Variants in WDR64 observed in about 807,000 individuals in gnomAD.
WDR64 encodes WD repeat domain 64.
In WDR64, 112 loss-of-function variants were observed where a neutral mutation model predicts 139.3. That is an observed-to-expected ratio of 0.80 (90% CI 0.69 to 0.94). The LOEUF (loss-of-function observed/expected upper bound fraction) is 0.94. Among genes scored for constraint, WDR64 ranks in the 40% least tolerant of loss-of-function variants. The pLI, the probability that WDR64 is intolerant of heterozygous loss-of-function variation, is 0.00. For synonymous variants in WDR64, 444 were observed against 437.7 expected (o/e 1.01, Z -0.18); for missense variants, 1,206 against 1,293.1 (o/e 0.93, Z 1.03).
intron 25 of WDR64, among the ~76,000 whole-genome samples, chr1:241,794,879 CT>C (rs1659316270): frequency 6.6e-6 from 1 of 152,166 alleles, no homozygotes. Flanking sequence ...ATTAAAATGC[CT>C]TTCCCTTAGG....
At chr1:241,708,682 G>A (rs1160976216) in intron 8 of WDR64, among the ~76,000 whole-genome samples, 1 of 141,540 alleles carries the variant, frequency 7.1e-6, no homozygotes, top group African/African-American at 2.7e-5. Flanking sequence ...AGTTAGGGCT[G>A]AGGTCCATGG....
chr1:241,685,925 C>T (rs1214036970), intron 7 of WDR64, among the ~76,000 whole-genome samples: 2 of 152,124 alleles, frequency 1.3e-5, no homozygotes, highest in African/African-American at 4.8e-5. Flanking sequence ...ATATGTGTGC[C>T]ACCTGTCAGA....
intron 20 of WDR64, among the ~76,000 whole-genome samples, chr1:241,774,561 C>G (rs1658577961): frequency 6.6e-6 from 1 of 152,112 alleles, no homozygotes; most frequent in South Asian, 2.1e-4. Flanking sequence ...ATACTGAGCG[C>G]TGAAAAACAA....
At chr1:241,691,575 T>C (rs1667290373) in intron 8 of WDR64, among the ~76,000 whole-genome samples, 1 of 151,148 alleles carries the variant, frequency 6.6e-6, no homozygotes, top group Non-Finnish European at 1.5e-5. Flanking sequence ...AAAAAACATC[T>C]ACAAAAAACC....
intron 8 of WDR64, among the ~76,000 whole-genome samples, chr1:241,692,346 A>C (rs1363498686): frequency 6.6e-6 from 1 of 152,250 alleles, no homozygotes; most frequent in Non-Finnish European, 1.5e-5. Flanking sequence ...TATTCATCAC[A>C]ATAATGAAGA....
At chr1:241,714,311 ACT>A (rs1378443596) in intron 9 of WDR64, among the ~76,000 whole-genome samples, 2 of 152,110 alleles carry the variant, frequency 1.3e-5, no homozygotes, top group Non-Finnish European at 2.9e-5. Context: ...AAAGAAGAAA[ACT>A]CTGTCATCAA....
At chr1:241,777,149 C>T (rs551770689) in intron 21 of WDR64, among the ~76,000 whole-genome samples, 1 of 152,258 alleles carries the variant, frequency 6.6e-6, no homozygotes, top group South Asian at 2.1e-4. Flanking sequence ...GGCTGGAGTG[C>T]AGTGGTGTGC....
intron 2 of WDR64, among the ~76,000 whole-genome samples, chr1:241,666,122 C>T (rs981512609): frequency 3.3e-5 from 5 of 151,830 alleles, no homozygotes; most frequent in African/African-American, 1.2e-4. Context: ...TTTTAAATAG[C>T]ATAGTTAAAA....
chr1:241,795,126 A>G, intron 25 of WDR64, 81 bp from the exon 26 acceptor site: 2 of 1,209,886 alleles, frequency 1.7e-6, no homozygotes, highest in Non-Finnish European at 2.4e-6. Context: ...AATAAGTGAC[A>G]GAGTCAGGAT....
At position 241,656,072 on chromosome 1, in the gene WDR64, C is replaced by T. The variant is rs1409740179; in HGVS notation, c.145+3443C>T. ...ATCACAAAGCCACACTGAAAATTTC[C>T]TTTCTCTATAGTTTTCAAGATTTGA... On this transcript the variant is annotated intron_variant, in intron 1 of 27. Coordinates refer to ENST00000437684, the MANE Select transcript of WDR64 (RefSeq NM_001367482.1). The surrounding 1 kb of genome is among the most constrained non-coding windows in gnomAD (Gnocchi z 4.3). Among the ~76,000 whole-genome samples the T allele has an allele frequency of 1.3e-5, 2 of 152,242 alleles. No homozygotes were observed. Among genetic ancestry groups the T allele is most frequent in the East Asian group, 3.9e-4 (2 of 5,180 alleles).
rs1658937341 is a variant in WDR64, at chr1:241,783,795, C to T, written c.2705+414C>T. Among the ~76,000 whole-genome samples, 6 of 152,062 alleles carry T rather than the reference C, an allele frequency of 3.9e-5. No individual in the cohort carries two copies. In the South Asian group the frequency reaches 1.0e-3, roughly 26 times the overall value. On this transcript the variant is annotated intron_variant, in intron 23 of 27. Transcript: ENST00000437684. Reference sequence around the variant, plus strand: ...GGGTAAGCTAATTATGTCATTGACTCTGTGATGGATTTTGCAAAGCCTATT... The same window carrying T: ...GGGTAAGCTAATTATGTCATTGACTTTGTGATGGATTTTGCAAAGCCTATT...
chr1:241,784,655 C>T (rs1351628745), intron 23 of WDR64, among the ~76,000 whole-genome samples: 1 of 152,090 alleles, frequency 6.6e-6, no homozygotes, highest in Non-Finnish European at 1.5e-5. Context: ...GTTACTTCCT[C>T]TGTAAGAAAG....
chr1:241,746,027 C>G (rs1669743525), intron 13 of WDR64, among the ~76,000 whole-genome samples: 2 of 152,282 alleles, frequency 1.3e-5, no homozygotes, highest in Admixed American at 6.5e-5. Context: ...GACTGTTTTC[C>G]TATAATGCCA....
At chr1:241,657,677 T>C (rs957094828) in intron 1 of WDR64, among the ~76,000 whole-genome samples, 8 of 152,206 alleles carry the variant, frequency 5.3e-5, no homozygotes, top group African/African-American at 1.9e-4. Flanking sequence ...GGTCTACCCC[T>C]ACCTGCCACC....
At chr1:241,728,177 AC>A (rs1668922694) in intron 10 of WDR64, among the ~76,000 whole-genome samples, 1 of 150,796 alleles carries the variant, frequency 6.6e-6, no homozygotes, top group African/African-American at 2.4e-5. Flanking sequence ...TACTAAAACT[AC>A]AAAAATTAGC....
chr1:241,757,903 A>G (rs7533422), intron 15 of WDR64, among the ~76,000 whole-genome samples: 22,772 of 152,136 alleles, frequency 0.15, 1,894 homozygotes, highest in African/African-American at 0.19. Flanking sequence ...TCTAAAATAT[A>G]TTAAAAATAA....
At chr1:241,751,841 A>G (rs1669991976) in intron 14 of WDR64, among the ~76,000 whole-genome samples, 1 of 152,228 alleles carries the variant, frequency 6.6e-6, no homozygotes, top group Non-Finnish European at 1.5e-5. Context: ...AGAAGAAAAC[A>G]ACAATTCTTC....
At chr1:241,771,941 C>T (rs201206139) in intron 19 of WDR64, among the ~76,000 whole-genome samples, 45 of 28,908 alleles carry the variant, frequency 1.6e-3, no homozygotes, top group African/African-American at 3.7e-3. Context: ...TACATACATA[C>T]ATACATATAT....
intron 3 of WDR64, among the ~76,000 whole-genome samples, chr1:241,672,066 T>C (rs1473777838): frequency 6.6e-6 from 1 of 151,888 alleles, no homozygotes; most frequent in South Asian, 2.1e-4. Context: ...TCCCAGCTAC[T>C]CGGGAGGCTG....
Sources: allele counts gnomAD v4.1 joint callset (sites outside exome capture counted in the v4.1 genomes callset), GRCh38; gene constraint gnomAD v4.1.1; non-coding constraint Gnocchi (gnomAD v3.1); transcripts MANE v1.5; gene names NCBI Gene and HGNC (gene_info 2026-07-23, HGNC 2026-07-21).